Variants in SFI1 observed in about 807,000 individuals in gnomAD.
SFI1 encodes SFI1 centrin binding protein.
SFI1 carries 195 observed loss-of-function variants against 207.5 expected under a neutral mutation model. That is an observed-to-expected ratio of 0.94 (90% CI 0.84 to 1.06). The LOEUF (loss-of-function observed/expected upper bound fraction) is 1.06, where lower values mean the gene tolerates loss of function less well. Ranked by LOEUF, SFI1 falls within the 50% of genes least tolerant of loss-of-function variation. The pLI, the probability that SFI1 is intolerant of heterozygous loss-of-function variation, is 0.00. For synonymous variants in SFI1, 630 were observed against 598.9 expected, an observed-to-expected ratio of 1.05 and a Z score of -0.76; for missense variants, 1,634 against 1,588.0, an observed-to-expected ratio of 1.03 and a Z score of -0.49.
chr22:31,518,466 T>G (rs1469547449), intron 2 of SFI1, among the ~76,000 whole-genome samples: 1 of 152,176 alleles, frequency 6.6e-6, no homozygotes, highest in Non-Finnish European at 1.5e-5. Flanking sequence ...TATAACTATT[T>G]TTTCCTTATT....
chr22:31,571,385 T>C (rs2062932204), intron 8 of SFI1, among the ~76,000 whole-genome samples: 1 of 152,074 alleles, frequency 6.6e-6, no homozygotes, highest in Non-Finnish European at 1.5e-5. Flanking sequence ...TGATCACTGC[T>C]CACTGCAGCC....
intron 6 of SFI1, among the ~76,000 whole-genome samples, chr22:31,553,536 T>G (rs1207392722): frequency 1.4e-5 from 2 of 146,546 alleles, no homozygotes; most frequent in African/African-American, 5.0e-5. Context: ...TGTATTTTTT[T>G]TTTTTTTTTT....
At chr22:31,555,348 G>T (rs1465559196) in intron 6 of SFI1, among the ~76,000 whole-genome samples, 2 of 152,106 alleles carry the variant, frequency 1.3e-5, no homozygotes, top group Non-Finnish European at 2.9e-5. Flanking sequence ...AATTAGCCAG[G>T]TGTGGTGGTG....
At position 31,602,805 on chromosome 22, in the gene SFI1, T is replaced by C. The variant is rs2068327827; in HGVS notation, c.1805+20T>C. 2 of 1,607,290 alleles carry C rather than the reference T, an allele frequency of 1.2e-6. No individual in the cohort carries two copies. The highest frequency in any genetic ancestry group is 1.3e-5 in the African/African-American group (1 of 74,752). ...AACAGAGTGAGTGGCCAGTTCTGCC[T>C]TACAAGCCTTTCCATCACAGGCCAG... On this transcript the variant is annotated intron_variant, in intron 17 of 32. Transcript: ENST00000400288.
intron 13 of SFI1, among the ~76,000 whole-genome samples, chr22:31,584,735 G>A (rs751852660): frequency 5.3e-5 from 8 of 151,952 alleles, no homozygotes; most frequent in Non-Finnish European, 1.2e-4. Context: ...GCAACATGTC[G>A]TGGACCCCCA....
intron 4 of SFI1, among the ~76,000 whole-genome samples, chr22:31,533,550 G>GTGGC (rs2058712769): frequency 6.7e-6 from 1 of 148,844 alleles, no homozygotes; most frequent in Non-Finnish European, 1.5e-5. Context: ...GTTCAGTGGT[G>GTGGC]TGGCCTTCAG....
rs975651054 is a variant in SFI1, at chr22:31,613,169, G to C, written c.2518G>C (p.Ala840Pro). 1.2e-6 allele frequency: 2 copies of C among 1,613,668 alleles called. No homozygotes were observed. Among genetic ancestry groups the C allele is most frequent in the African/African-American group, 2.7e-5 (2 of 74,958 alleles). ...GGCAGCCAGGAGGCAGGAGCAGCGG[G>C]CGACAGTGCGGGCCCTGTGGTTCTG... ...QLAARRQEQR[A>P]TVRALWFWAF... is the part of the protein sequence containing the mutation. Residue 840 changes from alanine to proline, a missense_variant, in exon 25 of 33, where the codon GCG becomes CCG. Physicochemically the swap from Ala to Pro is conservative, Grantham distance 27. Coordinates refer to ENST00000400288, the MANE Select transcript of SFI1 (RefSeq NM_001007467.3).
intron 17 of SFI1, among the ~76,000 whole-genome samples, chr22:31,603,140 G>A (rs1459117595): frequency 6.6e-5 from 10 of 152,148 alleles, no homozygotes; most frequent in African/African-American, 2.2e-4. Context: ...AGTGAAGCAC[G>A]GAAATTGGCA....
In SFI1 at chr22:31,546,912, G is replaced by C. The variant is rs146504169; in HGVS notation, c.390G>C (p.Glu130Asp). The change falls in exon 5 of 33, where the codon GAG becomes GAC. Residue 130 changes from glutamate to aspartate, a missense_variant. Glu to Asp is a conservative substitution (Grantham distance 45, BLOSUM62 2). Transcript: ENST00000400288. ...LLRKVFEEWK[E>D]EWWVFQHEWK... ...GGAAGGTCTTCGAAGAATGGAAAGA[G>C]GAGTGGTGGGTTTTCCAGCACGAGT... is the stretch of plus-strand genomic sequence containing the variant. The C allele has an allele frequency of 2.6e-5, 42 of 1,612,388 alleles. No individual in the cohort carries two copies. The highest frequency in any genetic ancestry group is 3.2e-5 in the Non-Finnish European group (38 of 1,179,360).
At chr22:31,497,524 T>C (rs961430683) in intron 1 of SFI1, among the ~76,000 whole-genome samples, 64 of 152,154 alleles carry the variant, frequency 4.2e-4, no homozygotes, top group African/African-American at 1.4e-3. Context: ...AGTTCCCTGT[T>C]TCTCTCCTCC....
chr22:31,502,793 C>T (rs1389446917), intron 1 of SFI1, among the ~76,000 whole-genome samples: 1 of 151,992 alleles, frequency 6.6e-6, no homozygotes, highest in Non-Finnish European at 1.5e-5. Context: ...TTATGATTCT[C>T]AATTGTCTGT....
chr22:31,564,877 G>T (rs951374518), intron 8 of SFI1, among the ~76,000 whole-genome samples: 1 of 135,066 alleles, frequency 7.4e-6, no homozygotes, highest in East Asian at 2.3e-4. Context: ...GCAGTATCGC[G>T]ATGTTGGCTC....
intron 17 of SFI1, 132 bp from the exon 18 acceptor site, chr22:31,603,612 C>T (rs1337960947): frequency 1.9e-5 from 12 of 639,658 alleles, no homozygotes; most frequent in African/African-American, 5.7e-5. Context: ...AGTTCTTTGG[C>T]AGCTCTTCAG....
intron 24 of SFI1, chr22:31,612,058 C>G: frequency 7.5e-7 from 1 of 1,336,648 alleles, no homozygotes; most frequent in Non-Finnish European, 9.6e-7. Context: ...AGGCCAGTTT[C>G]TCTCTCTACA....
In SFI1 at chr22:31,512,982, A is replaced by G. The variant is rs570537113; in HGVS notation, c.92+4606A>G. On this transcript the variant is annotated intron_variant, in intron 2 of 32. Coordinates refer to ENST00000400288, the MANE Select transcript of SFI1 (RefSeq NM_001007467.3). Reference sequence around the variant, plus strand: ...ATTACAGGCATGAGCCACAGCGCCCAGCCAGTTTTTGTATTTTTAATACAG... The same window carrying G: ...ATTACAGGCATGAGCCACAGCGCCCGGCCAGTTTTTGTATTTTTAATACAG... Among the ~76,000 whole-genome samples, 206 of 152,128 alleles carry G rather than the reference A, an allele frequency of 1.4e-3. 1 individual carries two copies. Among genetic ancestry groups the G allele is most frequent in the African/African-American group, 4.8e-3 (199 of 41,502 alleles).
intron 12 of SFI1, 47 bp from the exon 13 acceptor site, chr22:31,583,828 T>C (rs780625696): frequency 1.3e-6 from 2 of 1,540,268 alleles, no homozygotes; most frequent in Non-Finnish European, 9.0e-7. Context: ...TTCACTGTTT[T>C]ACCTTTCATC....
intron 4 of SFI1, among the ~76,000 whole-genome samples, chr22:31,542,975 C>CT (rs377269654): frequency 0.18 from 21,885 of 124,798 alleles, 2,256 homozygotes; most frequent in Non-Finnish European, 0.24. Context: ...TTTTTTTTTT[C>CT]TTTTTTTTTT....
intron 1 of SFI1, among the ~76,000 whole-genome samples, chr22:31,500,824 G>C (rs1329768977): frequency 2.1e-5 from 3 of 145,690 alleles, no homozygotes; most frequent in Non-Finnish European, 4.5e-5. Context: ...TTTTGAGTCT[G>C]AGTGTTGCTC....
intron 17 of SFI1, 84 bp downstream of exon 17, chr22:31,602,869 T>C: frequency 2.1e-6 from 3 of 1,441,380 alleles, no homozygotes; most frequent in African/African-American, 1.4e-5. Flanking sequence ...TCCAAGTGCC[T>C]GTCTGGAGGA....
Sources: allele counts gnomAD v4.1 joint callset (sites outside exome capture counted in the v4.1 genomes callset), GRCh38; gene constraint gnomAD v4.1.1; transcripts MANE v1.5; gene names NCBI Gene and HGNC (gene_info 2026-07-23, HGNC 2026-07-21).